The following HOGA1 variants were observed in gnomAD, a reference collection of about 807,000 sequenced individuals.
HOGA1 encodes 4-hydroxy-2-oxoglutarate aldolase, mitochondrial.
Under a neutral mutation model 34.3 loss-of-function variants are expected in HOGA1, and 30 were observed. That is an observed-to-expected ratio of 0.87 (90% CI 0.65 to 1.19). The LOEUF (loss-of-function observed/expected upper bound fraction) is 1.19. Ranked by LOEUF, HOGA1 falls within the 50% of genes most tolerant of loss-of-function variation. HOGA1 has a pLI of 0.00. For missense variants in HOGA1, 417 were observed against 436.5 expected (o/e 0.96, Z 0.40); for synonymous variants, 161 against 174.0 (o/e 0.93, Z 0.59).
intron 6 of HOGA1, among the ~76,000 whole-genome samples, chr10:97,611,178 C>T (rs1383455313): frequency 6.6e-6 from 1 of 152,174 alleles, no homozygotes; most frequent in Non-Finnish European, 1.5e-5. Flanking sequence ...TGCTGATGCT[C>T]TAGTGCCTAG....
chr10:97,598,929 G>A lies in HOGA1; in HGVS notation c.340+26G>A, dbSNP rs74155508. Reference sequence around the variant, plus strand: ...GTGAGCCAGAATGCCCTGGGCCCTGGGGGTGGGTGGATGTGCAGGATCCAG... The same window carrying A: ...GTGAGCCAGAATGCCCTGGGCCCTGAGGGTGGGTGGATGTGCAGGATCCAG... On this transcript the variant is annotated intron_variant, in intron 2 of 6. Transcript: ENST00000370646. 3.7e-6 allele frequency: 6 copies of A among 1,612,912 alleles called. No homozygotes were observed. In the South Asian group the frequency reaches 4.4e-5, roughly 12 times the overall value.
chr10:97,599,465 C>T, intron 3 of HOGA1: 1 of 736,244 alleles, frequency 1.4e-6, no homozygotes, highest in Non-Finnish European at 2.3e-6. Flanking sequence ...AGATCAGGAA[C>T]ATAAAGGCCT....
intron 1 of HOGA1, among the ~76,000 whole-genome samples, chr10:97,589,210 G>T (rs2040997828): frequency 6.6e-6 from 1 of 151,974 alleles, no homozygotes; most frequent in African/African-American, 2.4e-5. Context: ...CTCCTTCCTG[G>T]GTTCTTTTCC....
chr10:97,593,050 A>AAAAAAAAAAAAAAAAAAAAAAAC (rs2041040287), intron 1 of HOGA1, among the ~76,000 whole-genome samples: 1 of 150,790 alleles, frequency 6.6e-6, no homozygotes, highest in Non-Finnish European at 1.5e-5. Flanking sequence ...AAAAAAAAAA[A>AAAAAAAAAAAAAAAAAAAAAAAC]AGAGAATGGT....
At chr10:97,590,791 G>A (rs1207865892) in intron 1 of HOGA1, 1 of 608,828 alleles carries the variant, frequency 1.6e-6, no homozygotes, top group South Asian at 2.1e-5. Context: ...CCCTGTTGGA[G>A]GGAGAGCTGG....
At chr10:97,591,372 A>G (rs747382858) in intron 1 of HOGA1, among the ~76,000 whole-genome samples, 15 of 152,326 alleles carry the variant, frequency 9.8e-5, no homozygotes, top group Non-Finnish European at 2.2e-4. Flanking sequence ...CTAAGTCTAC[A>G]GCTACTGAGT....
intron 5 of HOGA1, among the ~76,000 whole-genome samples, chr10:97,601,210 G>A (rs4086677): frequency 0.21 from 32,631 of 152,116 alleles, 4,489 homozygotes; most frequent in African/African-American, 0.39. Context: ...AGGCCACTGT[G>A]CCTAGGGTTC....
chr10:97,585,819 T>C (rs1299766256), intron 1 of HOGA1, among the ~76,000 whole-genome samples: 4 of 152,218 alleles, frequency 2.6e-5, no homozygotes, highest in Non-Finnish European at 2.9e-5. Context: ...TGGCTGCTAT[T>C]GAGGCAGTAT....
intron 2 of HOGA1, 65 bp from the exon 3 acceptor site, chr10:97,599,024 C>T: frequency 3.7e-6 from 6 of 1,608,532 alleles, no homozygotes; most frequent in Non-Finnish European, 5.1e-6. Context: ...GGCACCTTCG[C>T]TTGGCCCAGT....
chr10:97,605,115 T>G (rs183626395), intron 6 of HOGA1, among the ~76,000 whole-genome samples: 1 of 152,136 alleles, frequency 6.6e-6, no homozygotes, highest in Non-Finnish European at 1.5e-5. Context: ...TTTCATTTTC[T>G]GAGAAACTGC....
chr10:97,585,998 G>A (rs1231008978), intron 1 of HOGA1, among the ~76,000 whole-genome samples: 2 of 152,092 alleles, frequency 1.3e-5, no homozygotes, highest in African/African-American at 4.8e-5. Context: ...TTAGCTGGGC[G>A]TGGTGGTGTG....
chr10:97,601,108 C>G (rs950108816), intron 5 of HOGA1, among the ~76,000 whole-genome samples: 1 of 152,196 alleles, frequency 6.6e-6, no homozygotes, highest in African/African-American at 2.4e-5. Context: ...CAGGGCCATG[C>G]TGCTGTAGCG....
chr10:97,596,192 C>T (rs78571846), intron 1 of HOGA1, among the ~76,000 whole-genome samples: 6,690 of 152,242 alleles, frequency 0.044, 230 homozygotes, highest in Middle Eastern at 0.096. Flanking sequence ...GAGTCAGTTG[C>T]CCCCTTCAAT....
intron 6 of HOGA1, among the ~76,000 whole-genome samples, chr10:97,611,014 T>C (rs1161820873): frequency 6.6e-6 from 1 of 152,172 alleles, no homozygotes; most frequent in African/African-American, 2.4e-5. Flanking sequence ...CATTTAGTGT[T>C]AGGGTCAGGA....
chr10:97,608,244 G>A (rs957743340), intron 6 of HOGA1, among the ~76,000 whole-genome samples: 104 of 152,292 alleles, frequency 6.8e-4, no homozygotes, highest in African/African-American at 2.3e-3. Context: ...CCGTGAGGTC[G>A]AGGCTGCAGT....
At chr10:97,594,239 G>A (rs913690845) in intron 1 of HOGA1, among the ~76,000 whole-genome samples, 9 of 140,724 alleles carry the variant, frequency 6.4e-5, no homozygotes, top group African/African-American at 1.3e-4. Context: ...TCAGTGGTGC[G>A]ATCTGGGCTC....
At chr10:97,590,272 C>T (rs747034275) in intron 1 of HOGA1, 25 of 1,613,792 alleles carry the variant, frequency 1.5e-5, no homozygotes, top group East Asian at 8.9e-5. Flanking sequence ...CCACGTGGGC[C>T]GCTGTGGCTG....
At chr10:97,589,303 A>G (rs1209845755) in intron 1 of HOGA1, among the ~76,000 whole-genome samples, 1 of 151,906 alleles carries the variant, frequency 6.6e-6, no homozygotes, top group Non-Finnish European at 1.5e-5. Flanking sequence ...TGGGCACTGG[A>G]TGGAGGTGCA....
rs140510222 is a variant in HOGA1, at chr10:97,601,936, G to C, written c.780G>C (p.Gly260=). 9 of 1,613,014 alleles carry C rather than the reference G, an allele frequency of 5.6e-6. No homozygotes were observed. The African/African-American group carries it at 1.1e-4, about 19-fold the overall frequency. The change falls in exon 6 of 7, where the codon GGG becomes GGC. Residue 260 remains glycine, a synonymous_variant. Coordinates refer to ENST00000370646, the MANE Select transcript of HOGA1 (RefSeq NM_138413.4). ...VCQLERLCCT[G]QWEDAQKLQH... ...AGCTGGAGCGACTGTGCTGCACGGG[G>C]CAATGGGAAGATGCCCAGAAACTGC...
Sources: allele counts gnomAD v4.1 joint callset (sites outside exome capture counted in the v4.1 genomes callset), GRCh38; gene constraint gnomAD v4.1.1; transcripts MANE v1.5; gene names NCBI Gene and HGNC (gene_info 2026-07-23, HGNC 2026-07-21).